XG: variants seen among roughly 807,000 people sequenced by gnomAD.
XG encodes glycoprotein Xg.
A neutral mutation model predicts 25.7 loss-of-function variants in XG; 24 were observed. The observed-to-expected ratio is 0.93, with a 90% CI of 0.68 to 1.31. The LOEUF (loss-of-function observed/expected upper bound fraction) is 1.31. Among genes scored for constraint, XG ranks in the 40% most tolerant of loss-of-function variants. XG has a pLI of 0.00. For synonymous variants in XG, 77 were observed against 69.2 expected (o/e 1.11, Z -0.56); for missense variants, 181 against 187.6 (o/e 0.96, Z 0.21).
At chrX:2,760,658 C>G (rs1208851389) in intron 1 of XG, among the ~76,000 whole-genome samples, 1 of 149,330 alleles carries the variant, frequency 6.7e-6, no homozygotes, top group Admixed American at 6.7e-5. Context: ...TCGCTTGAAC[C>G]TGGGAGGTGG....
intron 1 of XG, among the ~76,000 whole-genome samples, chrX:2,764,919 T>C (rs2050642678): frequency 6.7e-6 from 1 of 149,848 alleles, no homozygotes; most frequent in South Asian, 2.1e-4. Flanking sequence ...CATGCACCTG[T>C]AGTCCCAGCT....
intron 8 of XG, among the ~76,000 whole-genome samples, chrX:2,807,432 A>G (rs1453509298): frequency 9.1e-6 from 1 of 110,421 alleles, no homozygotes; most frequent in Non-Finnish European, 1.9e-5. Flanking sequence ...ACAGGCATGC[A>G]CACACACACA....
chrX:2,806,980 G>A (rs886353915), intron 8 of XG, among the ~76,000 whole-genome samples: 1 of 94,525 alleles, frequency 1.1e-5, no homozygotes, highest in African/African-American at 4.3e-5. Flanking sequence ...GTGTTACTGG[G>A]TGCATGTGTG....
At chrX:2,772,754 C>A (rs184380653) in intron 2 of XG, among the ~76,000 whole-genome samples, 1 of 152,268 alleles carries the variant, frequency 6.6e-6, no homozygotes, top group Non-Finnish European at 1.5e-5. Context: ...AACTTATTTT[C>A]CACTCACCTG....
intron 8 of XG, among the ~76,000 whole-genome samples, chrX:2,807,519 GGTGTGTGCATGTGC>G (rs2087012743): frequency 5.0e-4 from 3 of 5,980 alleles, no homozygotes; most frequent in African/African-American, 6.2e-4. Flanking sequence ...TGCACACATC[GGTGTGTGCATGTGC>G]ACACATGTGT....
At position 2,757,797 on chromosome X, in the gene XG, C is replaced by T. The variant is rs191476789; in HGVS notation, c.61+5462C>T. Among the ~76,000 whole-genome samples the T allele has an allele frequency of 3.8e-4, 58 of 151,300 alleles. 1 individual carries two copies. In the East Asian group the frequency reaches 9.8e-3, roughly 26 times the overall value. On this transcript the variant is annotated intron_variant, in intron 1 of 10. Coordinates refer to ENST00000644266, the MANE Select transcript of XG (RefSeq NM_001141919.2). ...GACCAGCCTGGCCAACATGGCAGAA[C>T]GCTGTTTCTACTAAAAATACAAAAA... is the stretch of plus-strand genomic sequence containing the variant.
At chrX:2,802,083 A>T (rs555347018) in intron 7 of XG, among the ~76,000 whole-genome samples, 2 of 111,831 alleles carry the variant, frequency 1.8e-5, no homozygotes, top group South Asian at 7.5e-4. Context: ...AAGCCTTACC[A>T]AGGACTCCCA....
intron 7 of XG, among the ~76,000 whole-genome samples, chrX:2,804,921 G>A (rs928290086): frequency 8.0e-5 from 9 of 112,533 alleles, no homozygotes; most frequent in South Asian, 3.7e-4. Flanking sequence ...AACATCAGGC[G>A]TGCATGAGGC....
chrX:2,759,992 G>A (rs2050528035), intron 1 of XG, among the ~76,000 whole-genome samples: 1 of 152,178 alleles, frequency 6.6e-6, no homozygotes, highest in Admixed American at 6.5e-5. Context: ...CATGTGGCTG[G>A]ATTCTGGTCT....
intron 4 of XG, among the ~76,000 whole-genome samples, chrX:2,782,972 G>A (rs1035011508): frequency 4.5e-5 from 5 of 111,659 alleles, no homozygotes; most frequent in Non-Finnish European, 7.5e-5. Context: ...CTCACACCCA[G>A]GAAAGAACAA....
intron 3 of XG, among the ~76,000 whole-genome samples, chrX:2,777,579 C>CAA (rs1333464683): frequency 6.6e-6 from 1 of 151,550 alleles, no homozygotes; most frequent in African/African-American, 2.4e-5. Flanking sequence ...GGTGGCAGAG[C>CAA]CAGGCTTTGT....
intron 3 of XG, among the ~76,000 whole-genome samples, chrX:2,777,192 AAAT>A (rs1025580813): frequency 3.3e-5 from 5 of 152,248 alleles, no homozygotes; most frequent in African/African-American, 1.2e-4. Context: ...CTGTTTAAAA[AAAT>A]AATAATAACT....
intron 7 of XG, among the ~76,000 whole-genome samples, chrX:2,799,893 A>G: frequency 9.0e-6 from 1 of 111,632 alleles, no homozygotes; most frequent in Middle Eastern, 4.6e-3. Context: ...AACACATGGT[A>G]TTTGGTTTTC....
chrX:2,784,700 G>A (rs923877606), intron 4 of XG, among the ~76,000 whole-genome samples: 11 of 111,985 alleles, frequency 9.8e-5, no homozygotes, highest in Non-Finnish European at 2.1e-4. Flanking sequence ...ATAGGAGGAG[G>A]AGTGGGGGAA....
chrX:2,773,212 G>A (rs1240487386), intron 2 of XG, among the ~76,000 whole-genome samples: 1 of 149,148 alleles, frequency 6.7e-6, no homozygotes, highest in African/African-American at 2.5e-5. Context: ...AGGAAGAAGA[G>A]AGGGAACGAT....
chrX:2,756,554 A>G (rs189148954), intron 1 of XG, among the ~76,000 whole-genome samples: 1 of 152,214 alleles, frequency 6.6e-6, no homozygotes, highest in Admixed American at 6.6e-5. Flanking sequence ...TATTACATGT[A>G]CCCTGAAGCT....
At chrX:2,787,805 G>A (rs2086798298) in intron 4 of XG, among the ~76,000 whole-genome samples, 1 of 110,023 alleles carries the variant, frequency 9.1e-6, no homozygotes, top group Admixed American at 9.7e-5. Flanking sequence ...TACTTGGGAG[G>A]CTGGGGCCAG....
At chrX:2,788,621 A>G (rs2086807031) in intron 4 of XG, among the ~76,000 whole-genome samples, 1 of 111,428 alleles carries the variant, frequency 9.0e-6, no homozygotes, top group African/African-American at 3.3e-5. Flanking sequence ...TTGGGAGGCC[A>G]AGGTGGGCAG....
In XG at chrX:2,783,795, C is replaced by T. The variant is rs192705183; in HGVS notation, c.190+1667C>T. Among the ~76,000 whole-genome samples, 560 of 111,763 alleles carry T rather than the reference C, an allele frequency of 5.0e-3. 3 individuals are homozygous for T. The highest frequency in any genetic ancestry group is 0.017 in the African/African-American group (514 of 30,819). On this transcript the variant is annotated intron_variant, in intron 4 of 10. Coordinates refer to ENST00000644266, the MANE Select transcript of XG (RefSeq NM_001141919.2). ...CTCGAGACCAGCCTGGCCAACATGG[C>T]GAAACCCTGTCTCTACCAAAAATAC...
Sources: gnomAD v4.1 joint callset for allele counts (sites outside exome capture counted in the v4.1 genomes callset) on GRCh38, gnomAD v4.1.1 for gene constraint, MANE v1.5 for transcripts, NCBI Gene and HGNC (gene_info 2026-07-23, HGNC 2026-07-21) for gene names.